The following PBX3 variants were observed in gnomAD, a reference collection of about 807,000 sequenced individuals.
The protein encoded by PBX3 is PBX homeobox 3, also known as pre-B-cell leukemia transcription factor 3.
In PBX3, 14 loss-of-function variants were observed where a neutral mutation model predicts 48.5. The ratio of observed to expected loss-of-function variants is 0.29; its 90% CI spans 0.19 to 0.45. The LOEUF is 0.45. PBX3 is among the 20% of genes least tolerant of loss of function. The pLI is 1.00. For synonymous variants in PBX3, 210 were observed against 200.3 expected, an observed-to-expected ratio of 1.05 and a Z score of -0.41; for missense variants, 386 against 546.7, an observed-to-expected ratio of 0.71 and a Z score of 2.93.
intron 2 of PBX3, among the ~76,000 whole-genome samples, chr9:125,814,853 T>G (rs1203313979): frequency 6.6e-6 from 1 of 152,184 alleles, no homozygotes; most frequent in Non-Finnish European, 1.5e-5. Flanking sequence ...CTTATATAAT[T>G]AAGCCATCCA....
At chr9:125,813,300 A>G (rs1037996351) in intron 2 of PBX3, among the ~76,000 whole-genome samples, 1 of 152,122 alleles carries the variant, frequency 6.6e-6, no homozygotes, top group African/African-American at 2.4e-5. Context: ...AACCAAGCCA[A>G]ACACACATTG....
At chr9:125,799,239 T>C (rs1837869043) in intron 2 of PBX3, among the ~76,000 whole-genome samples, 1 of 152,152 alleles carries the variant, frequency 6.6e-6, no homozygotes, top group Non-Finnish European at 1.5e-5. Flanking sequence ...AGCAGGCCGG[T>C]TCAGTGGTTC....
intron 2 of PBX3, among the ~76,000 whole-genome samples, chr9:125,771,326 A>AT (rs1338360200): frequency 6.6e-6 from 1 of 152,164 alleles, no homozygotes; most frequent in Non-Finnish European, 1.5e-5. Context: ...GTAGTTAACA[A>AT]TTCCTGTTTT....
chr9:125,793,366 A>AAAAAAATAT (rs59271982), intron 2 of PBX3, among the ~76,000 whole-genome samples: 10 of 101,940 alleles, frequency 9.8e-5, no homozygotes, highest in Admixed American at 3.2e-4. Context: ...GGAAAAAAAA[A>AAAAAAATAT]ATATATATAT....
chr9:125,817,065 G>A (rs1838487884), intron 2 of PBX3, among the ~76,000 whole-genome samples: 1 of 152,006 alleles, frequency 6.6e-6, no homozygotes, highest in Non-Finnish European at 1.5e-5. Flanking sequence ...TTGCTTCTTA[G>A]TCTTTCCAAA....
intron 3 of PBX3, among the ~76,000 whole-genome samples, chr9:125,918,169 G>T (rs1001905554): frequency 1.3e-5 from 2 of 152,028 alleles, no homozygotes; most frequent in Non-Finnish European, 2.9e-5. Flanking sequence ...AGGAATTAAG[G>T]TGATTCCTTA....
chr9:125,947,812 A>G (rs781451969), intron 5 of PBX3, among the ~76,000 whole-genome samples: 16 of 152,340 alleles, frequency 1.1e-4, no homozygotes, highest in Non-Finnish European at 1.3e-4. Flanking sequence ...GTATAACAGT[A>G]TGAAAAAATT....
chr9:125,871,915 G>C (rs970740516), intron 2 of PBX3, among the ~76,000 whole-genome samples: 6 of 152,164 alleles, frequency 3.9e-5, no homozygotes, highest in African/African-American at 1.4e-4. Flanking sequence ...CTAGACCTAG[G>C]TAGTGGTTAC....
chr9:125,819,151 A>G (rs1304702359), intron 2 of PBX3, among the ~76,000 whole-genome samples: 1 of 151,830 alleles, frequency 6.6e-6, no homozygotes, highest in Non-Finnish European at 1.5e-5. Context: ...ATTATTTTTA[A>G]TCTCATACTT....
chr9:125,937,695 C>T (rs1225117843), intron 5 of PBX3, among the ~76,000 whole-genome samples: 1 of 152,208 alleles, frequency 6.6e-6, no homozygotes, highest in Non-Finnish European at 1.5e-5. Flanking sequence ...GGGTCTCGCT[C>T]TGTCACACAG....
chr9:125,846,809 ATTGT>A (rs751241608), intron 2 of PBX3, among the ~76,000 whole-genome samples: 2 of 152,162 alleles, frequency 1.3e-5, no homozygotes, highest in South Asian at 2.1e-4. Context: ...ATATATCCAA[ATTGT>A]TTGTTTGAAC....
chr9:125,778,101 C>T (rs187475213), intron 2 of PBX3, among the ~76,000 whole-genome samples: 2 of 151,800 alleles, frequency 1.3e-5, no homozygotes, highest in African/African-American at 4.8e-5. Context: ...GCTGGGACTA[C>T]AGGTTTGTAC....
intron 2 of PBX3, among the ~76,000 whole-genome samples, chr9:125,846,743 T>C (rs1322540887): frequency 2.6e-5 from 4 of 152,060 alleles, no homozygotes; most frequent in Admixed American, 6.6e-5. Context: ...TAAAAAACCA[T>C]AAAATTTCAC....
Position 125,915,690 on chromosome 9 carries a change from C to T in PBX3, c.279C>T (p.Leu93=). The T allele has an allele frequency of 6.2e-7, 1 of 1,606,400 alleles. No individual in the cohort carries two copies. Among genetic ancestry groups the T allele is most frequent in the Non-Finnish European group, 8.5e-7 (1 of 1,174,864 alleles). ...VLCEIKEKTG[L]SIRGAQEEDP... ...TCTCTCTCTCTTTCCTTGAAGGTCTCAGCATCAGAGGAGCCCAGGAGGAGG... is the reference window on the plus strand; with the variant it reads ...TCTCTCTCTCTTTCCTTGAAGGTCTTAGCATCAGAGGAGCCCAGGAGGAGG... The change falls in exon 3 of 9, where the codon CTC becomes CTT. Residue 93 remains leucine, a synonymous_variant. Coordinates refer to ENST00000373489, the MANE Select transcript of PBX3 (RefSeq NM_006195.6).
At chr9:125,919,359 A>ATTTTTTTTTTTTTTT (rs34891465) in intron 3 of PBX3, among the ~76,000 whole-genome samples, 4 of 102,750 alleles carry the variant, frequency 3.9e-5, no homozygotes, top group Admixed American at 1.2e-4. Context: ...TGCCCGTCTA[A>ATTTTTTTTTTTTTTT]TTTTTTTTTT....
At chr9:125,953,185 A>G (rs1842228622) in intron 5 of PBX3, among the ~76,000 whole-genome samples, 2 of 152,102 alleles carry the variant, frequency 1.3e-5, no homozygotes, top group African/African-American at 4.8e-5. Flanking sequence ...TCTATTAATA[A>G]GTAGGACTAA....
intron 2 of PBX3, among the ~76,000 whole-genome samples, chr9:125,883,524 C>CT (rs773255012): frequency 3.3e-5 from 5 of 152,078 alleles, no homozygotes; most frequent in Non-Finnish European, 7.4e-5. Context: ...TGTGCTATGA[C>CT]TTTTTTACAC....
At chr9:125,815,178 G>T (rs1246832353) in intron 2 of PBX3, among the ~76,000 whole-genome samples, 1 of 152,044 alleles carries the variant, frequency 6.6e-6, no homozygotes, top group Non-Finnish European at 1.5e-5. Context: ...AATCCATTTT[G>T]AAAAGAATAT....
chr9:125,897,110 C>T (rs1353535267), intron 2 of PBX3, among the ~76,000 whole-genome samples: 1 of 148,412 alleles, frequency 6.7e-6, no homozygotes, highest in Non-Finnish European at 1.5e-5. Flanking sequence ...CTTGTCAAAG[C>T]CATTTCATGT....
Sources: gnomAD v4.1 joint callset for allele counts (sites outside exome capture counted in the v4.1 genomes callset) on GRCh38, gnomAD v4.1.1 for gene constraint, MANE v1.5 for transcripts, NCBI Gene and HGNC (gene_info 2026-07-23, HGNC 2026-07-21) for gene names.